CENPW: variants seen among roughly 807,000 people sequenced by gnomAD.
The protein encoded by CENPW is centromere protein W.
Under a neutral mutation model 11.1 loss-of-function variants are expected in CENPW, and 3 were observed. That is an observed-to-expected ratio of 0.27 (90% confidence interval 0.12 to 0.70). CENPW has a LOEUF of 0.70. Ranked by LOEUF, CENPW falls within the 30% of genes least tolerant of loss-of-function variation. CENPW has a pLI of 0.77. For synonymous variants in CENPW, 38 were observed against 42.0 expected, an observed-to-expected ratio of 0.91 and a Z score of 0.37; for missense variants, 100 against 105.6, an observed-to-expected ratio of 0.95 and a Z score of 0.23.
the CENPW span, among the ~76,000 whole-genome samples, chr6:126,421,827 C>T: frequency 2.0e-5 from 3 of 152,032 alleles, no homozygotes; most frequent in Middle Eastern, 3.2e-3. Context: ...ACAGTAGCTC[C>T]ACTACGTTAT....
chr6:126,481,930 T>C, the CENPW span, among the ~76,000 whole-genome samples: 4 of 152,248 alleles, frequency 2.6e-5, no homozygotes, highest in South Asian at 8.3e-4. Flanking sequence ...AGATAACAAA[T>C]GATATTGAAC....
At chr6:126,430,462 C>T in the CENPW span, among the ~76,000 whole-genome samples, 1 of 152,164 alleles carries the variant, frequency 6.6e-6, no homozygotes, top group East Asian at 1.9e-4. Flanking sequence ...AATAATTACA[C>T]TTTTCATTGT....
the CENPW span, among the ~76,000 whole-genome samples, chr6:126,400,143 A>G: frequency 6.6e-6 from 1 of 152,068 alleles, no homozygotes; most frequent in Non-Finnish European, 1.5e-5. Flanking sequence ...GCTTGCTTAT[A>G]CATTTATATT....
At chr6:126,432,066 CAAAAAAAAAA>C in the CENPW span, among the ~76,000 whole-genome samples, 1 of 36,562 alleles carries the variant, frequency 2.7e-5, no homozygotes, top group African/African-American at 9.2e-5. Context: ...CTCCATCTCA[CAAAAAAAAAA>C]AAAAAAAAAA....
chr6:126,424,816 A>G, the CENPW span, among the ~76,000 whole-genome samples: 1 of 152,042 alleles, frequency 6.6e-6, no homozygotes, highest in Admixed American at 6.6e-5. Context: ...TCATTATCAG[A>G]GTCTGCAGCC....
At chr6:126,452,000 G>T in the CENPW span, among the ~76,000 whole-genome samples, 1 of 151,064 alleles carries the variant, frequency 6.6e-6, no homozygotes, top group Admixed American at 6.6e-5. Flanking sequence ...CCAGGTCATA[G>T]ACTGATACTG....
the CENPW span, among the ~76,000 whole-genome samples, chr6:126,442,416 C>CAG: frequency 6.6e-6 from 1 of 151,304 alleles, no homozygotes; most frequent in Non-Finnish European, 1.5e-5. Context: ...AAATGATCAG[C>CAG]AGAATAAACA....
At chr6:126,456,047 C>G in the CENPW span, among the ~76,000 whole-genome samples, 1 of 151,082 alleles carries the variant, frequency 6.6e-6, no homozygotes, top group Non-Finnish European at 1.5e-5. Flanking sequence ...AAACTCTTCT[C>G]AAAGAAATCA....
the CENPW span, among the ~76,000 whole-genome samples, chr6:126,409,920 T>G: frequency 6.6e-6 from 1 of 151,964 alleles, no homozygotes; most frequent in East Asian, 1.9e-4. Flanking sequence ...AAATTATTAT[T>G]TTTTGGTGAG....
At chr6:126,377,504 G>A in the CENPW span, among the ~76,000 whole-genome samples, 1 of 152,148 alleles carries the variant, frequency 6.6e-6, no homozygotes, top group South Asian at 2.1e-4. Context: ...AGTTTATGGG[G>A]AAGGGAGAAA....
chr6:126,394,635 C>T, the CENPW span, among the ~76,000 whole-genome samples: 2 of 152,112 alleles, frequency 1.3e-5, no homozygotes, highest in African/African-American at 2.4e-5. Flanking sequence ...GAGTTTTGTA[C>T]CTTCACATAA....
At chr6:126,360,654 T>C in the CENPW span, among the ~76,000 whole-genome samples, 34 of 152,218 alleles carry the variant, frequency 2.2e-4, no homozygotes, top group African/African-American at 7.9e-4. Context: ...TTGAGTTGAT[T>C]TGAAGAACTG....
At chr6:126,343,411 G>A (rs1780350479) in intron 1 of CENPW, among the ~76,000 whole-genome samples, 1 of 152,148 alleles carries the variant, frequency 6.6e-6, no homozygotes, top group African/African-American at 2.4e-5. Flanking sequence ...TTGCTAGAGG[G>A]ACAGAACTAA....
the CENPW span, among the ~76,000 whole-genome samples, chr6:126,447,607 G>A: frequency 6.6e-6 from 1 of 151,172 alleles, no homozygotes; most frequent in African/African-American, 2.4e-5. Flanking sequence ...TTCCAGGTAT[G>A]ATGTCAGACC....
At chr6:126,441,164 C>G in the CENPW span, among the ~76,000 whole-genome samples, 1 of 151,332 alleles carries the variant, frequency 6.6e-6, no homozygotes, top group Non-Finnish European at 1.5e-5. Flanking sequence ...GCTGGCAATC[C>G]TGATAGTGGA....
At chr6:126,394,510 T>C in the CENPW span, among the ~76,000 whole-genome samples, 3 of 152,114 alleles carry the variant, frequency 2.0e-5, no homozygotes, top group Admixed American at 2.0e-4. Context: ...AACGTTGTAG[T>C]TATTATTTTT....
the CENPW span, among the ~76,000 whole-genome samples, chr6:126,360,269 G>A: frequency 1.1e-4 from 17 of 152,170 alleles, no homozygotes; most frequent in African/African-American, 3.6e-4. Context: ...CTTCTGGCTT[G>A]TAAGATTTCT....
At chr6:126,370,790 T>C in the CENPW span, among the ~76,000 whole-genome samples, 4 of 151,866 alleles carry the variant, frequency 2.6e-5, no homozygotes, top group Non-Finnish European at 5.9e-5. Flanking sequence ...TCTTGCTCTG[T>C]CACCCAGGCT....
the CENPW span, among the ~76,000 whole-genome samples, chr6:126,376,481 C>G: frequency 5.3e-5 from 8 of 152,168 alleles, no homozygotes; most frequent in African/African-American, 1.9e-4. Context: ...TAACAGTAGG[C>G]CTCTCTTGTC....
Sources: allele counts gnomAD v4.1 joint callset (sites outside exome capture counted in the v4.1 genomes callset), GRCh38; gene constraint gnomAD v4.1.1; transcripts MANE v1.5; gene names NCBI Gene and HGNC (gene_info 2026-07-23, HGNC 2026-07-21).